The following ANKDD1B variants were observed in gnomAD, a reference collection of about 807,000 sequenced individuals.
ANKDD1B encodes the protein ankyrin repeat and death domain-containing protein 1B.
Under a neutral mutation model 59.7 loss-of-function variants are expected in ANKDD1B, and 57 were observed. The ratio of observed to expected loss-of-function variants is 0.95; its 90% CI spans 0.77 to 1.19. ANKDD1B has a LOEUF of 1.19. Ranked by LOEUF, ANKDD1B falls within the 50% of genes most tolerant of loss-of-function variation. The probability of loss-of-function intolerance (pLI) is 0.00; values close to 1 mark genes in which losing one functional copy is unlikely to be tolerated. For missense variants in ANKDD1B, 602 were observed against 641.9 expected (o/e 0.94, Z 0.67); for synonymous variants, 216 against 239.5 (o/e 0.90, Z 0.91).
intron 11 of ANKDD1B, among the ~76,000 whole-genome samples, chr5:75,664,362 G>T (rs1428442124): frequency 6.6e-6 from 1 of 152,070 alleles, no homozygotes; most frequent in Non-Finnish European, 1.5e-5. Flanking sequence ...TCTTTTAAAG[G>T]TCACACCATC....
chr5:75,662,797 G>C (rs1775194518), intron 10 of ANKDD1B, among the ~76,000 whole-genome samples: 2 of 152,118 alleles, frequency 1.3e-5, no homozygotes, highest in South Asian at 4.2e-4. Flanking sequence ...ATTTGTTTAA[G>C]ATTAAAACCT....
chr5:75,656,658 G>A (rs1288996356), intron 9 of ANKDD1B, among the ~76,000 whole-genome samples: 4 of 152,208 alleles, frequency 2.6e-5, no homozygotes, highest in Admixed American at 6.5e-5. Context: ...TGGGAATGCC[G>A]CAACGGAATG....
rs1015241493 is a variant in ANKDD1B, at chr5:75,625,878, A to G, written c.523A>G (p.Thr175Ala). 1 of 1,536,288 alleles carries G rather than the reference A, an allele frequency of 6.5e-7. No homozygotes were observed. The highest frequency in any genetic ancestry group is 8.7e-7 in the Non-Finnish European group (1 of 1,146,896). The change falls in exon 5 of 14, where the codon ACT (threonine) becomes GCT (alanine). Residue 175 changes from threonine to alanine, a missense_variant. This residue lies in a region of ANKDD1B where 317 missense variants were observed against 304.6 expected (regional missense o/e 1.04). Coordinates refer to ENST00000601380, the MANE Select transcript of ANKDD1B (RefSeq NM_001276713.2). Reference sequence around the variant, plus strand: ...TGGAATGAGCGCCCTCCACTTTGCCACTCAGAGCAATCATGTGCGCATCGT... The same window carrying G: ...TGGAATGAGCGCCCTCCACTTTGCCGCTCAGAGCAATCATGTGCGCATCGT... ...QDGMSALHFA[T>A]QSNHVRIVEY...
At chr5:75,638,985 C>T (rs1015610929) in intron 7 of ANKDD1B, among the ~76,000 whole-genome samples, 2 of 152,144 alleles carry the variant, frequency 1.3e-5, no homozygotes, top group Non-Finnish European at 2.9e-5. Context: ...AGTCTGAATT[C>T]CTCACAATTG....
chr5:75,661,841 G>T (rs1168069258), intron 10 of ANKDD1B, among the ~76,000 whole-genome samples: 1 of 149,956 alleles, frequency 6.7e-6, no homozygotes, highest in Non-Finnish European at 1.5e-5. Flanking sequence ...GCACATAGTT[G>T]GCACCCAATA....
intron 5 of ANKDD1B, among the ~76,000 whole-genome samples, chr5:75,632,049 A>G (rs981320507): frequency 3.3e-5 from 5 of 151,212 alleles, no homozygotes; most frequent in Non-Finnish European, 7.4e-5. Flanking sequence ...AGAGGTTGCA[A>G]TGAGCCAAGA....
In ANKDD1B at chr5:75,614,446, C is replaced by T. The variant is rs79125299; in HGVS notation, c.194-2358C>T. Among the ~76,000 whole-genome samples the T allele has an allele frequency of 2.1e-3, 298 of 143,102 alleles. 2 individuals are homozygous for T. The highest frequency in any genetic ancestry group is 7.8e-3 in the African/African-American group (259 of 33,366). The allele number at this position is 143,102 out of a possible 152,430, so 93.9% of individuals were successfully genotyped here. On this transcript the variant is annotated intron_variant, in intron 1 of 13. Coordinates refer to ENST00000601380, the MANE Select transcript of ANKDD1B (RefSeq NM_001276713.2). ...CAAGGCTTTTCACTATACAAACATC[C>T]TTGAAAAGGTAGTAAAGAGCAAAGC...
rs528097367 is a variant in ANKDD1B, at chr5:75,611,679, GGGGCTGCTGCTCC to G, written c.56_68del (p.Leu19ArgfsTer75). The G allele has an allele frequency of 1.8e-3, 2,215 of 1,231,796 alleles. 34 individuals are homozygous for G. The African/African-American group carries it at 0.031, about 17-fold the overall frequency. The allele number at this position is 1,231,796 out of a possible 1,614,324, so 76.3% of individuals were successfully genotyped here. A position where few individuals can be genotyped will look rare whatever the true frequency, so the allele number is the denominator to read the frequency against. ...CCCGGGGCCAAGGGGCCACGGCAGGGGGGCTGCTGCTCCGGGCTGCTGCGGCCGCCAAGGGTCT... is the reference window on the plus strand; with the variant it reads ...CCCGGGGCCAAGGGGCCACGGCAGGGGGGCTGCTGCGGCCGCCAAGGGTCT... On this transcript the variant is annotated frameshift_variant, in exon 1 of 14. Transcript: ENST00000601380. LOFTEE classifies it high-confidence loss of function.
chr5:75,650,142 C>G lies in ANKDD1B; in HGVS notation c.799-3000C>G, dbSNP rs1183937555. Among the ~76,000 whole-genome samples the G allele has an allele frequency of 2.0e-5, 3 of 152,170 alleles. No homozygotes were observed. The East Asian group carries it at 5.8e-4, about 29-fold the overall frequency. On this transcript the variant is annotated intron_variant, in intron 7 of 13. Coordinates refer to ENST00000601380, the MANE Select transcript of ANKDD1B (RefSeq NM_001276713.2). ...CCCCAGAGATGTTCACATCGCAATT[C>G]CCGGAACCTGTGAATATGTTATGTT...
intron 2 of ANKDD1B, among the ~76,000 whole-genome samples, chr5:75,619,441 T>C (rs1453558162): frequency 2.0e-5 from 3 of 152,256 alleles, no homozygotes; most frequent in Admixed American, 6.5e-5. Flanking sequence ...TACTATGACA[T>C]GCATATTCCC....
chr5:75,659,409 G>T, intron 10 of ANKDD1B, 28 bp downstream of exon 10: 4 of 1,461,000 alleles, frequency 2.7e-6, no homozygotes, highest in Non-Finnish European at 3.7e-6. Context: ...ACTCCATTCA[G>T]CTGAGATGGT....
intron 7 of ANKDD1B, among the ~76,000 whole-genome samples, chr5:75,639,401 T>A (rs1774403300): frequency 6.6e-6 from 1 of 152,172 alleles, no homozygotes; most frequent in Admixed American, 6.5e-5. Flanking sequence ...TTCACCATGT[T>A]GACTAGGCTG....
At chr5:75,659,139 TTGCAAATAATAA>T in intron 9 of ANKDD1B, 132 bp from the exon 10 acceptor site, 1 of 611,618 alleles carries the variant, frequency 1.6e-6, no homozygotes, top group Non-Finnish European at 2.9e-6. Flanking sequence ...TTTTTCACTA[TTGCAAATAATAA>T]TGCAATGAAT....
chr5:75,633,001 C>T (rs1201356326), intron 5 of ANKDD1B, among the ~76,000 whole-genome samples: 1 of 152,092 alleles, frequency 6.6e-6, no homozygotes, highest in African/African-American at 2.4e-5. Context: ...GTCTCTTGTT[C>T]CCTCTTTTTG....
intron 8 of ANKDD1B, 38 bp downstream of exon 8, chr5:75,653,278 G>A (rs1465556395): frequency 7.5e-6 from 11 of 1,460,964 alleles, no homozygotes; most frequent in Admixed American, 2.0e-5. Context: ...TGGTCCTGGC[G>A]CCGTGAGGTT....
intron 1 of ANKDD1B, among the ~76,000 whole-genome samples, chr5:75,614,305 G>A (rs535081515): frequency 1.4e-4 from 21 of 152,276 alleles, no homozygotes; most frequent in Admixed American, 7.8e-4. Context: ...AAAATCCTGC[G>A]CTTAGGGAAC....
rs957793824 is a variant in ANKDD1B, at chr5:75,669,035, G to A, written c.1394-217G>A. 3.9e-5 allele frequency among the ~76,000 whole-genome samples: 6 copies of A among 152,166 alleles called. No individual in the cohort carries two copies. In the East Asian group the frequency reaches 5.8e-4, roughly 15 times the overall value. On this transcript the variant is annotated intron_variant, in intron 12 of 13. Transcript: ENST00000601380. ...GTCCTCTCTCTTGTACACTCCTTTGGGTGTGTGCCAAGCATAGCAGGTGCA... is the reference window on the plus strand; with the variant it reads ...GTCCTCTCTCTTGTACACTCCTTTGAGTGTGTGCCAAGCATAGCAGGTGCA...
chr5:75,649,395 A>T (rs1774760886), intron 7 of ANKDD1B, among the ~76,000 whole-genome samples: 1 of 152,196 alleles, frequency 6.6e-6, no homozygotes, highest in South Asian at 2.1e-4. Context: ...TACATTTAAC[A>T]ATCAATGAAG....
chr5:75,612,816 G>A (rs1234061121), intron 1 of ANKDD1B, among the ~76,000 whole-genome samples: 1 of 152,196 alleles, frequency 6.6e-6, no homozygotes, highest in East Asian at 1.9e-4. Flanking sequence ...TACAAAGCAT[G>A]AGCAAGTGGT....
Sources: allele counts gnomAD v4.1 joint callset (sites outside exome capture counted in the v4.1 genomes callset), GRCh38; gene constraint gnomAD v4.1.1; regional missense constraint gnomAD v4.1.1; transcripts MANE v1.5; gene names NCBI Gene and HGNC (gene_info 2026-07-23, HGNC 2026-07-21).